ERO1A: variants seen among roughly 807,000 people sequenced by gnomAD.
ERO1A encodes endoplasmic reticulum oxidoreductase 1 alpha.
In ERO1A, 49 loss-of-function variants were observed where a neutral mutation model predicts 76.9. That is an observed-to-expected ratio of 0.64 (90% CI 0.51 to 0.81). The LOEUF is 0.81. Ranked by LOEUF, ERO1A falls within the 30% of genes least tolerant of loss-of-function variation. The pLI, the probability that ERO1A is intolerant of heterozygous loss-of-function variation, is 0.00. For missense variants in ERO1A, 448 were observed against 542.1 expected (o/e 0.83, Z 1.72); for synonymous variants, 174 against 181.2 (o/e 0.96, Z 0.32).
At chr14:52,648,669 A>G (rs2039752850) in intron 13 of ERO1A, among the ~76,000 whole-genome samples, 3 of 152,182 alleles carry the variant, frequency 2.0e-5, no homozygotes, top group African/African-American at 4.8e-5. Context: ...GTTCCTGAGT[A>G]TAAGAGACTC....
chr14:52,661,317 A>G lies in ERO1A; in HGVS notation c.677-13T>C. ...CCTTCACTTGTCCCTGAAAAGCAAA[A>G]CAAAATGTTTATTAAAATAAATTCC... On this transcript the variant is annotated splice_polypyrimidine_tract_variant and intron_variant, in intron 8 of 15. Transcript: ENST00000395686. 7.1e-7 allele frequency: 1 copy of G among 1,399,730 alleles called. No homozygotes were observed. The highest frequency in any genetic ancestry group is 1.5e-5 in the African/African-American group (1 of 67,930). 86.7% of individuals were successfully genotyped at this position (1,399,730 alleles called of 1,614,324 possible). A position where few individuals can be genotyped will look rare whatever the true frequency, so the allele number is the denominator to read the frequency against.
At position 52,682,236 on chromosome 14, in the gene ERO1A, CA is replaced by C. The variant is rs1010102513; in HGVS notation, c.318+88del. On this transcript the variant is annotated intron_variant, in intron 3 of 15. Transcript: ENST00000395686. ...TAGTGAAACCTCATCTCTATTTTTT[CA>C]AAAAAAAATTCTTAAATAAAACAAA... The C allele has an allele frequency of 9.0e-4, 948 of 1,053,026 alleles. 1 individual carries two copies. The highest frequency in any genetic ancestry group is 1.8e-3 in the South Asian group (112 of 63,460). 65.2% of individuals were successfully genotyped at this position (1,053,026 alleles called of 1,614,324 possible).
At chr14:52,645,985 G>A (rs545339503) in intron 15 of ERO1A, among the ~76,000 whole-genome samples, 169 bp downstream of exon 15, 7 of 152,176 alleles carry the variant, frequency 4.6e-5, no homozygotes, top group South Asian at 2.1e-4. Flanking sequence ...GCAGTGAGCC[G>A]AGATCACGCC....
intron 13 of ERO1A, among the ~76,000 whole-genome samples, chr14:52,647,355 ACAAT>A (rs2039707066): frequency 6.6e-6 from 1 of 151,180 alleles, no homozygotes. Flanking sequence ...AATAAGGTAA[ACAAT>A]CAGGTCTTCC....
intron 1 of ERO1A, among the ~76,000 whole-genome samples, chr14:52,694,021 GA>G (rs1015280418): frequency 1.3e-5 from 2 of 151,580 alleles, no homozygotes; most frequent in Admixed American, 6.6e-5. Flanking sequence ...GGTTATTAAG[GA>G]AAAAAAAAGT....
At position 52,678,489 on chromosome 14, in the gene ERO1A, T is replaced by C; in HGVS notation, c.319-17A>G. 1 of 1,606,494 alleles carries C rather than the reference T, an allele frequency of 6.2e-7. No homozygotes were observed. The highest frequency in any genetic ancestry group is 8.5e-7 in the Non-Finnish European group (1 of 1,176,090). The stretch of plus-strand genomic sequence containing the variant: ...AACTTCATCCTGAAAAAGAAAAAAA[T>C]ATGTTTTTAGTTGGCATTTATTCTA... On this transcript the variant is annotated splice_polypyrimidine_tract_variant and intron_variant, in intron 3 of 15. Transcript: ENST00000395686.
chr14:52,651,004 C>T (rs1303018667), intron 13 of ERO1A, among the ~76,000 whole-genome samples: 1 of 151,620 alleles, frequency 6.6e-6, no homozygotes, highest in Admixed American at 6.6e-5. Flanking sequence ...TGCAATGGCT[C>T]ACGCCTGTAA....
intron 7 of ERO1A, among the ~76,000 whole-genome samples, chr14:52,664,842 C>A (rs1384503631): frequency 1.3e-5 from 2 of 152,082 alleles, no homozygotes; most frequent in Admixed American, 1.3e-4. Context: ...CAGGTGCCCA[C>A]CACTACGCCC....
intron 7 of ERO1A, among the ~76,000 whole-genome samples, chr14:52,664,938 G>A (rs963390613): frequency 9.2e-5 from 14 of 151,936 alleles, no homozygotes; most frequent in Non-Finnish European, 1.6e-4. Flanking sequence ...TGATCCGCCC[G>A]CCTTGGCCTC....
chr14:52,675,154 C>T (rs2040738331), intron 4 of ERO1A, among the ~76,000 whole-genome samples: 1 of 152,092 alleles, frequency 6.6e-6, no homozygotes, highest in South Asian at 2.1e-4. Context: ...GAGGCCGAGA[C>T]AGGTGGATCA....
chr14:52,653,664 C>A (rs934450972), intron 11 of ERO1A, among the ~76,000 whole-genome samples: 1 of 151,748 alleles, frequency 6.6e-6, no homozygotes, highest in Non-Finnish European at 1.5e-5. Flanking sequence ...CACATCAGGG[C>A]AAATGAAATT....
intron 4 of ERO1A, among the ~76,000 whole-genome samples, chr14:52,672,797 A>G (rs555742422): frequency 6.6e-6 from 1 of 151,030 alleles, no homozygotes; most frequent in Non-Finnish European, 1.5e-5. Flanking sequence ...AAAAAAACAA[A>G]AAACAAACAA....
chr14:52,659,491 T>C (rs1202976128), intron 9 of ERO1A, among the ~76,000 whole-genome samples: 1 of 152,188 alleles, frequency 6.6e-6, no homozygotes, highest in Non-Finnish European at 1.5e-5. Context: ...ATCTTAACTC[T>C]GCTACTTACA....
chr14:52,664,972 T>C (rs72684268), intron 7 of ERO1A, among the ~76,000 whole-genome samples: 1 of 151,872 alleles, frequency 6.6e-6, no homozygotes, highest in African/African-American at 2.4e-5. Context: ...ACACTAAAAA[T>C]AACAACAACA....
intron 13 of ERO1A, among the ~76,000 whole-genome samples, chr14:52,651,653 C>T (rs2039872095): frequency 6.6e-6 from 1 of 151,972 alleles, no homozygotes; most frequent in East Asian, 1.9e-4. Context: ...AGTATATATA[C>T]ATGTGTTTAT....
At chr14:52,690,244 A>G (rs1013898973) in intron 1 of ERO1A, among the ~76,000 whole-genome samples, 2 of 152,252 alleles carry the variant, frequency 1.3e-5, no homozygotes, top group Admixed American at 6.5e-5. Context: ...CAAGAAGACC[A>G]GCAATAAAAG....
At chr14:52,681,612 G>C (rs1299194870) in intron 3 of ERO1A, among the ~76,000 whole-genome samples, 6 of 151,824 alleles carry the variant, frequency 4.0e-5, no homozygotes. Flanking sequence ...CAAAAAAAAA[G>C]GTCAACTTTA....
chr14:52,642,116 A>G lies in ERO1A; in HGVS notation c.*1454T>C, dbSNP rs1016672387. On this transcript the variant is annotated 3_prime_UTR_variant, in exon 16 of 16. Coordinates refer to ENST00000395686, the MANE Select transcript of ERO1A (RefSeq NM_014584.3). ...TAGCTTCTTTTTCTCTACAATTACC[A>G]TGTGATATAAATTCCTAAACCCCTT... is the stretch of plus-strand genomic sequence containing the variant. 2 of 152,216 alleles carry G rather than the reference A, an allele frequency of 1.3e-5. No individual in the cohort carries two copies. The highest frequency in any genetic ancestry group is 2.4e-5 in the African/African-American group (1 of 41,458). 9.4% of individuals were successfully genotyped at this position (152,216 alleles called of 1,614,324 possible).
chr14:52,679,094 A>G (rs1470465387), intron 3 of ERO1A, among the ~76,000 whole-genome samples: 1 of 152,070 alleles, frequency 6.6e-6, no homozygotes, highest in Non-Finnish European at 1.5e-5. Context: ...TTCTGCCATG[A>G]TTGTAAGCTT....
Sources: gnomAD v4.1 joint callset for allele counts (sites outside exome capture counted in the v4.1 genomes callset) on GRCh38, gnomAD v4.1.1 for gene constraint, MANE v1.5 for transcripts, NCBI Gene and HGNC (gene_info 2026-07-23, HGNC 2026-07-21) for gene names.